RBFOX1: variants seen among roughly 807,000 people sequenced by gnomAD.
The protein encoded by RBFOX1 is RNA binding fox-1 homolog 1, also known as RNA binding protein fox-1 homolog 1.
In RBFOX1, 8 loss-of-function variants were observed where a neutral mutation model predicts 57.7. That is an observed-to-expected ratio of 0.14 (90% CI 0.08 to 0.25). The LOEUF (loss-of-function observed/expected upper bound fraction) is 0.25, where lower values mean the gene tolerates loss of function less well. RBFOX1 is among the 10% of genes least tolerant of loss of function. The pLI is 1.00. For missense variants in RBFOX1, 611 were observed against 548.5 expected (o/e 1.11, Z -1.14); for synonymous variants, 326 against 222.4 (o/e 1.47, Z -4.15).
intron 4 of RBFOX1, among the ~76,000 whole-genome samples, chr16:7,505,935 G>A (rs945197694): frequency 7.9e-5 from 12 of 151,960 alleles, no homozygotes; most frequent in African/African-American, 1.9e-4. Flanking sequence ...CCTGTAATCC[G>A]AGCACTTTGG....
chr16:7,397,504 A>T (rs1338864237), intron 4 of RBFOX1, among the ~76,000 whole-genome samples: 1 of 152,134 alleles, frequency 6.6e-6, no homozygotes, highest in African/African-American at 2.4e-5. Context: ...AATGAAAAGA[A>T]CCCACTGGTG....
chr16:5,687,213 T>G (rs2050531226), intron 3 of RBFOX1, among the ~76,000 whole-genome samples: 1 of 152,178 alleles, frequency 6.6e-6, no homozygotes, highest in Non-Finnish European at 1.5e-5. Flanking sequence ...AGGTTGAATG[T>G]GATGTGTGCT....
intron 3 of RBFOX1, among the ~76,000 whole-genome samples, chr16:6,920,071 A>G (rs1414279317): frequency 6.6e-6 from 1 of 152,192 alleles, no homozygotes; most frequent in Non-Finnish European, 1.5e-5. Context: ...CACTTAGAAT[A>G]ATGGCATCCA....
chr16:7,141,606 A>G (rs1008577454), intron 4 of RBFOX1, among the ~76,000 whole-genome samples: 6 of 152,182 alleles, frequency 3.9e-5, no homozygotes, highest in African/African-American at 7.2e-5. Flanking sequence ...GAAAGATTGC[A>G]TGTTCATTAA....
chr16:5,347,548 C>T (rs1206046934), intron 1 of RBFOX1, among the ~76,000 whole-genome samples: 2 of 152,120 alleles, frequency 1.3e-5, no homozygotes, highest in Non-Finnish European at 2.9e-5. Flanking sequence ...ACTATTCCAT[C>T]CACCTACCGA....
intron 3 of RBFOX1, among the ~76,000 whole-genome samples, chr16:6,909,104 G>T (rs912150734): frequency 6.6e-6 from 1 of 152,120 alleles, no homozygotes; most frequent in East Asian, 1.9e-4. Context: ...TGCAGTTCTG[G>T]AGGTCAGAAG....
At chr16:5,298,719 ACTTCT>A (rs1325239410) in intron 1 of RBFOX1, among the ~76,000 whole-genome samples, 2 of 16,754 alleles carry the variant, frequency 1.2e-4, no homozygotes, top group African/African-American at 4.7e-4. Context: ...CTTTCATTTC[ACTTCT>A]CTTCTATGTA....
chr16:6,105,074 C>T lies in RBFOX1; in HGVS notation c.-127+85082C>T, dbSNP rs1045517801. On this transcript the variant is annotated intron_variant, in intron 1 of 15. Coordinates refer to ENST00000550418, the MANE Select transcript of RBFOX1 (RefSeq NM_018723.4). The stretch of plus-strand genomic sequence containing the variant: ...TCTACCAAGGGAAGAAATTCAGAAG[C>T]CAAGAAGGAGATGGTGACTTTGCCA... Among the ~76,000 whole-genome samples the T allele has an allele frequency of 2.0e-5, 3 of 152,130 alleles. 1 individual carries two copies. Among genetic ancestry groups the T allele is most frequent in the South Asian group, 4.2e-4 (2 of 4,818 alleles).
chr16:7,061,231 A>C (rs2054163643), intron 4 of RBFOX1, among the ~76,000 whole-genome samples: 1 of 152,194 alleles, frequency 6.6e-6, no homozygotes, highest in Non-Finnish European at 1.5e-5. Context: ...CTAGTAAAAT[A>C]AGAAACTCAT....
At chr16:6,628,935 C>G (rs748208632) in intron 2 of RBFOX1, among the ~76,000 whole-genome samples, 50 of 152,162 alleles carry the variant, frequency 3.3e-4, no homozygotes, top group Non-Finnish European at 6.3e-4. Flanking sequence ...GAGGCTGAGA[C>G]AGGAGAATTG....
Position 7,041,295 on chromosome 16 carries a change from G to A in RBFOX1, c.-15-10762G>A, listed in dbSNP as rs375854590. Among the ~76,000 whole-genome samples, 143 of 152,092 alleles carry A rather than the reference G, an allele frequency of 9.4e-4. 4 individuals are homozygous for A. In the South Asian group the frequency reaches 0.029, roughly 31 times the overall value. Reference sequence around the variant, plus strand: ...ATTTGTTTACACGTTGTCAGTGGCTGCTTTTCCACCATAATGGGAGAACCG... The same window carrying A: ...ATTTGTTTACACGTTGTCAGTGGCTACTTTTCCACCATAATGGGAGAACCG... On this transcript the variant is annotated intron_variant, in intron 3 of 15. Transcript: ENST00000550418.
intron 3 of RBFOX1, among the ~76,000 whole-genome samples, chr16:5,780,893 A>G (rs1038489401): frequency 6.6e-6 from 1 of 152,256 alleles, no homozygotes; most frequent in Non-Finnish European, 1.5e-5. Flanking sequence ...ATGCTAGAGC[A>G]GAATCTATTA....
At chr16:6,996,896 C>G (rs1016147023) in intron 3 of RBFOX1, among the ~76,000 whole-genome samples, 2 of 152,074 alleles carry the variant, frequency 1.3e-5, no homozygotes, top group East Asian at 1.9e-4. Context: ...GAGTTAGAAG[C>G]TGATGGAACT....
chr16:7,532,551 C>G (rs191019926), intron 5 of RBFOX1, among the ~76,000 whole-genome samples: 16 of 152,306 alleles, frequency 1.1e-4, no homozygotes, highest in Admixed American at 1.0e-3. Flanking sequence ...CATCTTTCTC[C>G]TTGCCTAGTC....
intron 3 of RBFOX1, among the ~76,000 whole-genome samples, chr16:5,718,661 C>G (rs879705413): frequency 6.6e-6 from 1 of 152,160 alleles, no homozygotes; most frequent in Admixed American, 6.5e-5. Context: ...AAGCCCAGAA[C>G]TTTGGGAGGC....
chr16:5,798,988 C>A (rs1298613070), intron 3 of RBFOX1, among the ~76,000 whole-genome samples: 1 of 152,094 alleles, frequency 6.6e-6, no homozygotes. Context: ...CCTTCCTCTG[C>A]AAAAGGGCTT....
intron 2 of RBFOX1, among the ~76,000 whole-genome samples, chr16:6,490,755 T>C (rs1032543440): frequency 6.6e-6 from 1 of 152,218 alleles, no homozygotes. Context: ...GGAGACAGTT[T>C]AGGAACTGGG....
At chr16:5,655,648 C>T (rs2049402484) in intron 3 of RBFOX1, among the ~76,000 whole-genome samples, 2 of 152,204 alleles carry the variant, frequency 1.3e-5, no homozygotes, top group African/African-American at 4.8e-5. Context: ...TTTGTTCAAG[C>T]TTTGCAGGCA....
chr16:7,498,935 A>G (rs1174573396), intron 4 of RBFOX1, among the ~76,000 whole-genome samples: 3 of 152,236 alleles, frequency 2.0e-5, no homozygotes, highest in Non-Finnish European at 2.9e-5. Context: ...ATAAGGTGTC[A>G]CAACATCCTT....
Sources: allele counts gnomAD v4.1 joint callset (sites outside exome capture counted in the v4.1 genomes callset), GRCh38; gene constraint gnomAD v4.1.1; transcripts MANE v1.5; gene names NCBI Gene and HGNC (gene_info 2026-07-23, HGNC 2026-07-21).